Variants in CDCP1 observed in about 807,000 individuals in gnomAD.
The protein encoded by CDCP1 is CUB domain-containing protein 1.
A neutral mutation model predicts 60.2 loss-of-function variants in CDCP1; 29 were observed. That is an observed-to-expected ratio of 0.48 (90% CI 0.36 to 0.66). The LOEUF (loss-of-function observed/expected upper bound fraction) is 0.66. Ranked by LOEUF, CDCP1 falls within the 30% of genes least tolerant of loss-of-function variation. The probability of loss-of-function intolerance (pLI) is 0.00; values close to 1 mark genes in which losing one functional copy is unlikely to be tolerated. For synonymous variants in CDCP1, 387 were observed against 431.1 expected (o/e 0.90, Z 1.27); for missense variants, 876 against 1,074.3 (o/e 0.82, Z 2.58).
At position 45,093,615 on chromosome 3, in the gene CDCP1, A is replaced by T. The variant is rs761907359; in HGVS notation, c.1289T>A (p.Leu430His). 2.5e-6 allele frequency: 4 copies of T among 1,614,110 alleles called. No homozygotes were observed. Among genetic ancestry groups the T allele is most frequent in the Non-Finnish European group, 3.4e-6 (4 of 1,180,010 alleles). Residue 430 changes from leucine to histidine, a missense_variant, in exon 6 of 9, where the codon CTC becomes CAC. By Grantham distance (99) the Leu-to-His change is moderately conservative (BLOSUM62 -3). This residue lies in a region of CDCP1 where 726 missense variants were observed against 935.7 expected (regional missense o/e 0.78). Transcript: ENST00000296129. ...GTGGAGGATGTCACTGGGCACCTGG[A>T]GTGAGTAGGATTTCCTTTGGCAGTA... ...HRYCQRKSYS[L>H]QVPSDILHLP...
At chr3:45,143,465 A>C (rs2126011354) in intron 1 of CDCP1, among the ~76,000 whole-genome samples, 1 of 152,322 alleles carries the variant, frequency 6.6e-6, no homozygotes, top group Non-Finnish European at 1.5e-5. Flanking sequence ...AAGCAACTTA[A>C]ATGTCCAACA....
intron 1 of CDCP1, among the ~76,000 whole-genome samples, chr3:45,136,663 A>G (rs1230592401): frequency 6.6e-6 from 1 of 152,212 alleles, no homozygotes; most frequent in African/African-American, 2.4e-5. Flanking sequence ...GCAACTTAAC[A>G]CTTCTACTGC....
intron 2 of CDCP1, 41 bp from the exon 3 acceptor site, chr3:45,112,486 C>A: frequency 6.3e-7 from 1 of 1,585,922 alleles, no homozygotes; most frequent in Admixed American, 1.7e-5. Flanking sequence ...CACAGATGCT[C>A]CAAGGCCCCA....
intron 1 of CDCP1, among the ~76,000 whole-genome samples, chr3:45,138,783 T>C (rs1576124115): frequency 6.6e-6 from 1 of 151,908 alleles, no homozygotes; most frequent in Non-Finnish European, 1.5e-5. Flanking sequence ...GAGGTGGAGG[T>C]TGCAGTGAGC....
intron 4 of CDCP1, among the ~76,000 whole-genome samples, chr3:45,097,550 G>C (rs1034364556): frequency 1.3e-5 from 2 of 149,584 alleles, no homozygotes; most frequent in Admixed American, 6.6e-5. Context: ...GAAGGCGCCT[G>C]TGCAAAGTGG....
chr3:45,138,647 G>A (rs559434619), intron 1 of CDCP1, among the ~76,000 whole-genome samples: 4 of 152,278 alleles, frequency 2.6e-5, no homozygotes, highest in African/African-American at 7.2e-5. Flanking sequence ...TCAAGAGTTC[G>A]AGACCAGCCT....
At chr3:45,087,199 A>C (rs1698209665) in intron 8 of CDCP1, among the ~76,000 whole-genome samples, 1 of 152,194 alleles carries the variant, frequency 6.6e-6, no homozygotes, top group African/African-American at 2.4e-5. Context: ...CCTAGTGCCC[A>C]GGAGACACTC....
At position 45,091,544 on chromosome 3, in the gene CDCP1, G is replaced by A. The variant is rs370928590; in HGVS notation, c.1628-6C>T. ...CACCGTGAAAACGCCTTCCTCTGCA[G>A]GAAAGGGAGGGAGATCCAGACAGAT... On this transcript the variant is annotated splice_region_variant and splice_polypyrimidine_tract_variant and intron_variant, in intron 6 of 8. Coordinates refer to ENST00000296129, the MANE Select transcript of CDCP1 (RefSeq NM_022842.5). The surrounding 1 kb of genome is among the most constrained non-coding windows in gnomAD (Gnocchi z 4.8). The A allele has an allele frequency of 2.5e-6, 4 of 1,590,170 alleles. No homozygotes were observed. Among genetic ancestry groups the A allele is most frequent in the Non-Finnish European group, 8.5e-7 (1 of 1,170,376 alleles).
chr3:45,145,680 GA>G (rs1049282517), intron 1 of CDCP1, among the ~76,000 whole-genome samples: 1 of 152,136 alleles, frequency 6.6e-6, no homozygotes, highest in African/African-American at 2.4e-5. Context: ...GTGCGGACGG[GA>G]AAAAGGGGAT....
intron 1 of CDCP1, among the ~76,000 whole-genome samples, chr3:45,139,895 A>G (rs912571051): frequency 6.6e-6 from 1 of 152,134 alleles, no homozygotes; most frequent in Non-Finnish European, 1.5e-5. Context: ...GAGTCCTTCA[A>G]ACTCAGGGGC....
chr3:45,124,924 C>T (rs34703630), intron 1 of CDCP1, among the ~76,000 whole-genome samples: 30,804 of 152,028 alleles, frequency 0.2, 3,183 homozygotes, highest in East Asian at 0.26. Context: ...TGAATTCACA[C>T]ACATTGAATG....
At chr3:45,111,945 T>C in intron 3 of CDCP1, 138 bp downstream of exon 3, 1 of 1,134,050 alleles carries the variant, frequency 8.8e-7, no homozygotes. Flanking sequence ...CCATGTCACT[T>C]ATAAGAGAGC....
chr3:45,091,486 C>G lies in CDCP1; in HGVS notation c.1680G>C (p.Arg560Ser), dbSNP rs1490380234. Residue 560 changes from arginine (R) to serine (S), a missense_variant, in exon 7 of 9, where the codon AGG becomes AGC. Arg to Ser is a moderately radical substitution (Grantham distance 110, BLOSUM62 -1). Around this residue, in one of 2 missense-constraint regions of CDCP1, gnomAD observed 726 missense variants for 935.7 expected, o/e 0.78. Coordinates refer to ENST00000296129, the MANE Select transcript of CDCP1 (RefSeq NM_022842.5). The surrounding 1 kb of genome is among the most constrained non-coding windows in gnomAD (Gnocchi z 4.8). ...GCAGGCCCCGGTCCCAGTTGGGGGT[C>G]CTCAGGTAGACCTTGCTTTTTGTGT... is the stretch of plus-strand genomic sequence containing the variant. ...TPDTKSKVYL[R>S]TPNWDRGLPS... is the part of the protein sequence containing the mutation. The G allele has an allele frequency of 6.2e-7, 1 of 1,609,396 alleles. No homozygotes were observed. The highest frequency in any genetic ancestry group is 8.5e-7 in the Non-Finnish European group (1 of 1,177,684).
intron 1 of CDCP1, among the ~76,000 whole-genome samples, chr3:45,126,108 C>CTTTCTT (rs1553610965): frequency 0.063 from 6,870 of 109,014 alleles, 265 homozygotes; most frequent in South Asian, 0.082. Context: ...TTGTCTCTCT[C>CTTTCTT]TCTTTCTTTC....
At chr3:45,135,288 G>A (rs1699173677) in intron 1 of CDCP1, among the ~76,000 whole-genome samples, 1 of 149,846 alleles carries the variant, frequency 6.7e-6, no homozygotes, top group African/African-American at 2.5e-5. Flanking sequence ...CACATTGTGT[G>A]GGTGGATAGA....
chr3:45,136,505 A>T (rs1450778814), intron 1 of CDCP1, among the ~76,000 whole-genome samples: 1 of 152,226 alleles, frequency 6.6e-6, no homozygotes, highest in Non-Finnish European at 1.5e-5. Flanking sequence ...TCAAATAATA[A>T]ATCAAATTTT....
rs189234638 is a variant in CDCP1 at position 45,118,021 on chromosome 3, G to A, written c.292+391C>T. On this transcript the variant is annotated intron_variant, in intron 2 of 8. Transcript: ENST00000296129. ...TCAGCCAGATATTTTTAGCACACAG[G>A]ATGAGCATCACAGACCTGAAGATCT... Among the ~76,000 whole-genome samples, 51 of 152,248 alleles carry A rather than the reference G, an allele frequency of 3.3e-4. No individual in the cohort carries two copies. In the East Asian group the frequency reaches 8.7e-3, roughly 26 times the overall value.
At chr3:45,107,366 C>G (rs930589280) in intron 4 of CDCP1, among the ~76,000 whole-genome samples, 2 of 152,018 alleles carry the variant, frequency 1.3e-5, no homozygotes, top group Admixed American at 1.3e-4. Flanking sequence ...GCCACCACGC[C>G]CGGCTAATTT....
chr3:45,101,531 A>G (rs1418869932), intron 4 of CDCP1, among the ~76,000 whole-genome samples: 1 of 152,164 alleles, frequency 6.6e-6, no homozygotes, highest in African/African-American at 2.4e-5. Flanking sequence ...AACTCTGCCA[A>G]CTGCCATCCA....
Sources: gnomAD v4.1 joint callset for allele counts (sites outside exome capture counted in the v4.1 genomes callset) on GRCh38, gnomAD v4.1.1 for gene constraint, gnomAD v4.1.1 regional missense constraint, Gnocchi (gnomAD v3.1) non-coding constraint, MANE v1.5 for transcripts, NCBI Gene and HGNC (gene_info 2026-07-23, HGNC 2026-07-21) for gene names.